The following HEATR5B variants were observed in gnomAD, a reference collection of about 807,000 sequenced individuals.
The protein encoded by HEATR5B is HEAT repeat-containing protein 5B.
A neutral mutation model predicts 224.1 loss-of-function variants in HEATR5B; 156 were observed. The ratio of observed to expected loss-of-function variants is 0.70; its 90% CI spans 0.61 to 0.80. The LOEUF is 0.80. Among genes scored for constraint, HEATR5B ranks in the 30% least tolerant of loss-of-function variants. The pLI is 0.00. For synonymous variants in HEATR5B, 1,027 were observed against 893.0 expected, an observed-to-expected ratio of 1.15 and a Z score of -2.68; for missense variants, 2,323 against 2,535.5, an observed-to-expected ratio of 0.92 and a Z score of 1.80.
chr2:37,026,689 A>T (rs985526916), intron 24 of HEATR5B, among the ~76,000 whole-genome samples: 1 of 152,208 alleles, frequency 6.6e-6, no homozygotes. Context: ...AGGATGCAGT[A>T]AATATCTGCT....
At chr2:36,986,665 T>A (rs1665966830) in intron 35 of HEATR5B, among the ~76,000 whole-genome samples, 1 of 152,210 alleles carries the variant, frequency 6.6e-6, no homozygotes, top group South Asian at 2.1e-4. Context: ...TCACCCAGGC[T>A]GGAGCCCAGT....
chr2:37,025,296 C>G (rs1411195981), intron 24 of HEATR5B, among the ~76,000 whole-genome samples: 1 of 152,010 alleles, frequency 6.6e-6, no homozygotes, highest in African/African-American at 2.4e-5. Context: ...CATGGGCAAT[C>G]CACCTCCACA....
chr2:37,049,535 A>C, intron 18 of HEATR5B, 118 bp downstream of exon 18: 1 of 880,746 alleles, frequency 1.1e-6, no homozygotes, highest in Non-Finnish European at 1.7e-6. Flanking sequence ...ATTACAAAAA[A>C]CCCACAAAAT....
intron 11 of HEATR5B, 96 bp downstream of exon 11, chr2:37,061,843 T>C: frequency 1.5e-6 from 1 of 672,820 alleles, no homozygotes; most frequent in Non-Finnish European, 2.6e-6. Context: ...TCAATGAAAA[T>C]CCAGAATGTG....
At position 37,001,982 on chromosome 2, in the gene HEATR5B, T is replaced by A. The variant is rs549785023; in HGVS notation, c.5317+324A>T. 1.1e-4 allele frequency among the ~76,000 whole-genome samples: 16 copies of A among 152,282 alleles called. No homozygotes were observed. In the South Asian group the frequency reaches 3.3e-3, roughly 32 times the overall value. ...GCACCTGGCCTTGAGTTTTTCAGTGTCACTCAAGAGTGGCAACCAGACTGG... is the reference window on the plus strand; with the variant it reads ...GCACCTGGCCTTGAGTTTTTCAGTGACACTCAAGAGTGGCAACCAGACTGG... On this transcript the variant is annotated intron_variant, in intron 32 of 35. Coordinates refer to ENST00000233099, the MANE Select transcript of HEATR5B (RefSeq NM_019024.3).
rs749311615 is a variant in HEATR5B, at chr2:37,058,559, T to C, written c.1951A>G (p.Ile651Val). ...CCATGGGCTTTCATTACAGATGGAA[T>C]GCTAAAATATCAAAAACATAGTTGG... ...IECAMTMMSH[I>V]PSVMKAHGAH... Residue 651 changes from isoleucine to valine, a missense_variant and splice_region_variant, in exon 14 of 36, where the codon ATT becomes GTT. Physicochemically the swap from Ile to Val is conservative, Grantham distance 29 (BLOSUM62 3). Transcript: ENST00000233099. 16 of 1,595,594 alleles carry C rather than the reference T, an allele frequency of 1.0e-5. No individual in the cohort carries two copies. Among genetic ancestry groups the C allele is most frequent in the African/African-American group, 1.3e-5 (1 of 74,688 alleles).
At chr2:36,994,632 C>T (rs1254494878) in intron 33 of HEATR5B, among the ~76,000 whole-genome samples, 1 of 152,160 alleles carries the variant, frequency 6.6e-6, no homozygotes, top group Non-Finnish European at 1.5e-5. Flanking sequence ...CCTTTAAATT[C>T]ACCTCATATG....
chr2:36,984,235 T>TATAA (rs1357689082), intron 35 of HEATR5B, among the ~76,000 whole-genome samples: 1 of 115,744 alleles, frequency 8.6e-6, no homozygotes, highest in South Asian at 3.2e-4. Flanking sequence ...TATATATATA[T>TATAA]ATAAAACTGG....
intron 1 of HEATR5B, 41 bp downstream of exon 1, chr2:37,084,228 G>A (rs1382898172): frequency 5.4e-6 from 2 of 372,268 alleles, no homozygotes; most frequent in African/African-American, 4.2e-5. Context: ...ACGTCGGACA[G>A]GAGTCCGTGC....
intron 10 of HEATR5B, among the ~76,000 whole-genome samples, chr2:37,062,321 T>C (rs1057162799): frequency 6.6e-6 from 1 of 152,084 alleles, no homozygotes; most frequent in Non-Finnish European, 1.5e-5. Context: ...TCCCAGCTAT[T>C]TGGGAGGCTG....
At position 37,057,471 on chromosome 2, in the gene HEATR5B, T is replaced by A; in HGVS notation, c.2069A>T (p.Asn690Ile). The A allele has an allele frequency of 6.2e-7, 1 of 1,600,806 alleles. No individual in the cohort carries two copies. The highest frequency in any genetic ancestry group is 8.5e-7 in the Non-Finnish European group (1 of 1,175,578). The change falls in exon 15 of 36, where the codon AAT becomes ATT. Residue 690 changes from asparagine (N) to isoleucine (I), a missense_variant. Asn to Ile is a moderately radical substitution (Grantham distance 149, BLOSUM62 -3). This residue lies in a region of HEATR5B where 502 missense variants were observed against 517.8 expected (regional missense o/e 0.97). Transcript: ENST00000233099. ...CGCTACCAGTTCTCTAAGAAGTGCATTAAAAGATCCTAAAAAACAGAACTT... is the reference window on the plus strand; with the variant it reads ...CGCTACCAGTTCTCTAAGAAGTGCAATAAAAGATCCTAAAAAACAGAACTT... ...LPPKTYEGSF[N>I]ALLRELVAEF...
At chr2:37,018,662 T>C (rs956716784) in intron 26 of HEATR5B, among the ~76,000 whole-genome samples, 2 of 152,186 alleles carry the variant, frequency 1.3e-5, no homozygotes, top group Non-Finnish European at 2.9e-5. Context: ...AGAGGTCACA[T>C]GAAGCTTGGC....
chr2:37,050,836 A>G (rs1165281182), intron 17 of HEATR5B, among the ~76,000 whole-genome samples: 2 of 152,110 alleles, frequency 1.3e-5, no homozygotes, highest in Admixed American at 6.6e-5. Context: ...TCAGGAGATC[A>G]AGACCATCCT....
chr2:37,060,621 G>A lies in HEATR5B; in HGVS notation c.1809C>T (p.Thr603=), dbSNP rs1671224875. ...CACGACCTTCCAAAGTTACCTGCCA[G>A]GTAAAAGAATCGCCTCGGGCCTTCT... is the stretch of plus-strand genomic sequence containing the variant. ...EAEKARGDSF[T]WQVTLEGRAG... is the part of the protein sequence containing the mutation. Residue 603 remains threonine (T), a synonymous_variant, in exon 12 of 36, where the codon ACC becomes ACT. Coordinates refer to ENST00000233099, the MANE Select transcript of HEATR5B (RefSeq NM_019024.3). 1.9e-6 allele frequency: 3 copies of A among 1,613,836 alleles called. No individual in the cohort carries two copies. Among genetic ancestry groups the A allele is most frequent in the South Asian group, 2.2e-5 (2 of 91,060 alleles).
chr2:37,049,985 A>G, intron 17 of HEATR5B, 142 bp from the exon 18 acceptor site: 2 of 749,892 alleles, frequency 2.7e-6, no homozygotes, highest in African/African-American at 3.7e-5. Context: ...CGACCTTCTG[A>G]GCTCAAGCAA....
chr2:37,081,532 A>AC (rs1251609792), intron 2 of HEATR5B, among the ~76,000 whole-genome samples: 2 of 152,084 alleles, frequency 1.3e-5, no homozygotes, highest in Non-Finnish European at 2.9e-5. Flanking sequence ...ACAACACAGG[A>AC]CCCCCTAAGA....
rs1431277726 is a variant in HEATR5B at position 37,027,988 on chromosome 2, T to A, written c.3788A>T (p.Glu1263Val). ...ATCAAAGTGAGCCTGGTCTGCATTC[T>A]CACACAAATTGATGATTCGACACAG... ...DCLCRIINLC[E>V]NADQAHFDLA... The change falls in exon 24 of 36, where the codon GAG becomes GTG. Residue 1263 changes from glutamate to valine, a missense_variant. Physicochemically the swap from Glu to Val is moderately radical, Grantham distance 121. Transcript: ENST00000233099. The A allele has an allele frequency of 1.9e-6, 3 of 1,614,174 alleles. No homozygotes were observed. Among genetic ancestry groups the A allele is most frequent in the South Asian group, 1.1e-5 (1 of 91,084 alleles).
chr2:37,075,683 T>A (rs1672185505), intron 4 of HEATR5B, 49 bp from the exon 5 acceptor site: 11 of 1,495,690 alleles, frequency 7.4e-6, no homozygotes, highest in Non-Finnish European at 1.0e-5. Context: ...AATTCCATAT[T>A]TAAACAAGAA....
intron 33 of HEATR5B, among the ~76,000 whole-genome samples, chr2:36,996,649 T>C (rs1194303355): frequency 2.6e-5 from 4 of 152,062 alleles, no homozygotes; most frequent in Non-Finnish European, 5.9e-5. Flanking sequence ...TGGAGTGCAA[T>C]GGCGTGATTT....
Sources: gnomAD v4.1 joint callset for allele counts (sites outside exome capture counted in the v4.1 genomes callset) on GRCh38, gnomAD v4.1.1 for gene constraint, gnomAD v4.1.1 regional missense constraint, MANE v1.5 for transcripts, NCBI Gene and HGNC (gene_info 2026-07-23, HGNC 2026-07-21) for gene names.